TASP1: variants seen among roughly 807,000 people sequenced by gnomAD.
The protein encoded by TASP1 is threonine aspartase 1.
In TASP1, 16 loss-of-function variants were observed where a neutral mutation model predicts 56.6. The ratio of observed to expected loss-of-function variants is 0.28; its 90% CI spans 0.19 to 0.43. The LOEUF is 0.43. Ranked by LOEUF, TASP1 falls within the 20% of genes least tolerant of loss-of-function variation. The pLI is 1.00. For missense variants in TASP1, 393 were observed against 511.6 expected (o/e 0.77, Z 2.24); for synonymous variants, 179 against 184.2 (o/e 0.97, Z 0.23).
At chr20:13,601,110 T>C (rs2047940278) in intron 4 of TASP1, among the ~76,000 whole-genome samples, 1 of 151,962 alleles carries the variant, frequency 6.6e-6, no homozygotes, top group African/African-American at 2.4e-5. Flanking sequence ...ACTCCATCTC[T>C]AAAAAATAAA....
intron 12 of TASP1, among the ~76,000 whole-genome samples, chr20:13,429,575 A>C (rs2042731189): frequency 1.3e-5 from 2 of 151,790 alleles, no homozygotes; most frequent in Admixed American, 1.3e-4. Context: ...GGTAGCTCCC[A>C]TTTGTGCTAT....
downstream of TASP1, among the ~76,000 whole-genome samples, chr20:13,386,978 T>C (rs1414472055): frequency 6.6e-6 from 1 of 152,090 alleles, no homozygotes; most frequent in Non-Finnish European, 1.5e-5. Context: ...TTAATCAGCA[T>C]AGGACCCGAT....
At chr20:13,628,493 C>G (rs1259706478) in intron 2 of TASP1, among the ~76,000 whole-genome samples, 1 of 152,116 alleles carries the variant, frequency 6.6e-6, no homozygotes, top group Non-Finnish European at 1.5e-5. Flanking sequence ...GTAAAAGCAC[C>G]TGTGAGAAAA....
At chr20:13,380,175 C>G in the TASP1 span, among the ~76,000 whole-genome samples, 2 of 152,180 alleles carry the variant, frequency 1.3e-5, no homozygotes, top group Non-Finnish European at 2.9e-5. Flanking sequence ...GAATTTTCAG[C>G]CTTTTTGTGC....
At chr20:13,573,937 CAT>C (rs1297957131) in intron 6 of TASP1, among the ~76,000 whole-genome samples, 2 of 152,094 alleles carry the variant, frequency 1.3e-5, no homozygotes, top group Non-Finnish European at 2.9e-5. Flanking sequence ...GTTGAAGTGA[CAT>C]AGTCGGGCAT....
chr20:13,279,995 G>A, the TASP1 span: 2 of 1,245,886 alleles, frequency 1.6e-6, no homozygotes, highest in East Asian at 2.5e-5. Context: ...TAGAGCATGT[G>A]GCTTTTGGTC....
intron 13 of TASP1, among the ~76,000 whole-genome samples, chr20:13,415,868 A>G (rs2042237955): frequency 6.6e-6 from 1 of 152,176 alleles, no homozygotes; most frequent in African/African-American, 2.4e-5. Context: ...AAGCAATCTT[A>G]GTTCTGAATC....
At chr20:13,532,639 T>C (rs184243864) in intron 9 of TASP1, among the ~76,000 whole-genome samples, 1 of 152,346 alleles carries the variant, frequency 6.6e-6, no homozygotes, top group African/African-American at 2.4e-5. Flanking sequence ...CTAAGTGCAG[T>C]GGCAGAATAG....
At chr20:13,373,854 C>A in the TASP1 span, among the ~76,000 whole-genome samples, 1 of 152,022 alleles carries the variant, frequency 6.6e-6, no homozygotes, top group East Asian at 1.9e-4. Flanking sequence ...TCTTTCTTTT[C>A]TTCTTCTAGT....
the TASP1 span, among the ~76,000 whole-genome samples, chr20:13,135,851 T>A: frequency 6.6e-6 from 1 of 152,244 alleles, no homozygotes; most frequent in African/African-American, 2.4e-5. Context: ...TCTCAGCTAT[T>A]ACCTCAGTGC....
chr20:13,283,865 G>A, the TASP1 span, among the ~76,000 whole-genome samples: 2 of 152,030 alleles, frequency 1.3e-5, no homozygotes, highest in South Asian at 2.1e-4. Context: ...TTTTTTTTCA[G>A]TGGTTTTCCT....
the TASP1 span, among the ~76,000 whole-genome samples, chr20:13,214,070 T>C: frequency 6.6e-6 from 1 of 152,186 alleles, no homozygotes; most frequent in Non-Finnish European, 1.5e-5. Flanking sequence ...AGAGTCGCTG[T>C]AAAGAATATT....
the TASP1 span, among the ~76,000 whole-genome samples, chr20:13,283,805 T>G: frequency 2.0e-5 from 3 of 152,240 alleles, no homozygotes; most frequent in Non-Finnish European, 4.4e-5. Context: ...TAGGACCCAG[T>G]TGAAATTCTC....
chr20:13,222,067 C>T, the TASP1 span, among the ~76,000 whole-genome samples: 2 of 152,212 alleles, frequency 1.3e-5, no homozygotes, highest in African/African-American at 4.8e-5. Flanking sequence ...GGCCACTTGA[C>T]TTAGGCAGAG....
chr20:13,432,678 C>T (rs1273021239), intron 12 of TASP1, among the ~76,000 whole-genome samples: 1 of 152,156 alleles, frequency 6.6e-6, no homozygotes, highest in East Asian at 1.9e-4. Flanking sequence ...ACACTTAATG[C>T]TTCCTCTTGA....
chr20:13,576,899 T>A (rs2046945629), intron 6 of TASP1, among the ~76,000 whole-genome samples: 1 of 152,178 alleles, frequency 6.6e-6, no homozygotes, highest in Non-Finnish European at 1.5e-5. Flanking sequence ...ATTAAAATAT[T>A]GCATATGTCC....
chr20:13,181,875 A>G, the TASP1 span, among the ~76,000 whole-genome samples: 1 of 152,238 alleles, frequency 6.6e-6, no homozygotes, highest in Non-Finnish European at 1.5e-5. Context: ...ATTACCAGGC[A>G]TAGTGTATGT....
the TASP1 span, among the ~76,000 whole-genome samples, chr20:13,128,948 C>T: frequency 6.7e-6 from 1 of 150,216 alleles, no homozygotes; most frequent in African/African-American, 2.5e-5. Flanking sequence ...GCGATCTCAG[C>T]TCACTGCAAC....
chr20:13,364,520 C>T, the TASP1 span, among the ~76,000 whole-genome samples: 1 of 151,986 alleles, frequency 6.6e-6, no homozygotes, highest in South Asian at 2.1e-4. Context: ...CATCTTTTGT[C>T]CCCATAGTGA....
Sources: gnomAD v4.1 joint callset for allele counts (sites outside exome capture counted in the v4.1 genomes callset) on GRCh38, gnomAD v4.1.1 for gene constraint, MANE v1.5 for transcripts, NCBI Gene and HGNC (gene_info 2026-07-23, HGNC 2026-07-21) for gene names.